Variants in OSBPL10 observed in about 807,000 individuals in gnomAD.
OSBPL10 encodes oxysterol binding protein like 10.
In OSBPL10, 49 loss-of-function variants were observed where a neutral mutation model predicts 81.7. The observed-to-expected ratio is 0.60, with a 90% CI of 0.48 to 0.76. The LOEUF is 0.76. Ranked by LOEUF, OSBPL10 falls within the 30% of genes least tolerant of loss-of-function variation. The pLI is 0.00. For missense variants in OSBPL10, 923 were observed against 987.8 expected (o/e 0.93, Z 0.88); for synonymous variants, 419 against 383.6 (o/e 1.09, Z -1.08).
At chr3:31,886,209 A>C (rs1430218895) in intron 1 of OSBPL10, among the ~76,000 whole-genome samples, 1 of 152,124 alleles carries the variant, frequency 6.6e-6, no homozygotes, top group African/African-American at 2.4e-5. Flanking sequence ...TCTAAATTTA[A>C]AAGTGAAAAT....
chr3:31,686,583 T>C (rs1700797996), intron 7 of OSBPL10, among the ~76,000 whole-genome samples: 1 of 152,210 alleles, frequency 6.6e-6, no homozygotes, highest in African/African-American at 2.4e-5. Flanking sequence ...TGAGTATCTT[T>C]CTGCTTTGTT....
At chr3:31,989,412 C>T (rs1698991387) in intron 2 of OSBPL10, 1 of 1,614,024 alleles carries the variant, frequency 6.2e-7, no homozygotes, top group Admixed American at 1.7e-5. Flanking sequence ...ATATTCATGA[C>T]TTTGAGTTTC....
At chr3:31,673,839 G>A (rs995480606) in intron 8 of OSBPL10, among the ~76,000 whole-genome samples, 2 of 152,052 alleles carry the variant, frequency 1.3e-5, no homozygotes, top group African/African-American at 4.8e-5. Flanking sequence ...AGTCACTCAG[G>A]CTGAAGTGCA....
At chr3:31,758,584 G>C (rs1270135314) in intron 4 of OSBPL10, among the ~76,000 whole-genome samples, 2 of 152,194 alleles carry the variant, frequency 1.3e-5, no homozygotes, top group Non-Finnish European at 2.9e-5. Flanking sequence ...AGGTATTCCT[G>C]ATAAGAGACC....
In OSBPL10 at chr3:32,005,525, G is replaced by T. The variant is rs184982862; in HGVS notation, n.298+40966C>A. 8.5e-5 allele frequency among the ~76,000 whole-genome samples: 13 copies of T among 152,224 alleles called. No individual in the cohort carries two copies. In the East Asian group the frequency reaches 2.3e-3, roughly 27 times the overall value. On this transcript the variant is annotated intron_variant and non_coding_transcript_variant, in intron 2 of 3. Coordinates refer to the OSBPL10 transcript ENST00000479173. ...GCATATGTGACGTCCATAAGTATTGGCATACTGCTCTCCAGACACTCAAAC... is the reference window on the plus strand; with the variant it reads ...GCATATGTGACGTCCATAAGTATTGTCATACTGCTCTCCAGACACTCAAAC...
chr3:32,023,444 C>T (rs576774831), intron 2 of OSBPL10, among the ~76,000 whole-genome samples: 1 of 152,270 alleles, frequency 6.6e-6, no homozygotes, highest in African/African-American at 2.4e-5. Context: ...AAACCTCTTT[C>T]CTTTATAAAT....
At chr3:31,802,549 CAAAAAAAAAAAAAA>C (rs746823677) in intron 4 of OSBPL10, among the ~76,000 whole-genome samples, 4 of 95,006 alleles carry the variant, frequency 4.2e-5, no homozygotes, top group Non-Finnish European at 8.1e-5. Context: ...GCCTGGGTAT[CAAAAAAAAAAAAAA>C]AAAAAAAAGA....
chr3:31,859,364 T>A (rs78219658), intron 3 of OSBPL10, among the ~76,000 whole-genome samples: 4,349 of 152,278 alleles, frequency 0.029, 221 homozygotes, highest in African/African-American at 0.1. Context: ...GCGTAGAAGT[T>A]CCACGCCCCT....
chr3:32,074,787 G>A (rs765191781), intron 1 of OSBPL10, among the ~76,000 whole-genome samples: 1 of 152,112 alleles, frequency 6.6e-6, no homozygotes, highest in Non-Finnish European at 1.5e-5. Flanking sequence ...TGGATCTCTA[G>A]GATTTGGGGT....
In OSBPL10 at chr3:31,978,002, C is replaced by T. The variant is rs143513608; in HGVS notation, c.281+2897G>A. ...CGTTTATTTTGTGTTCTGGCCCAAA[C>T]TGCCTTCCTAAGGGCATGAGGATGA... is the stretch of plus-strand genomic sequence containing the variant. On this transcript the variant is annotated intron_variant, in intron 1 of 11. Transcript: ENST00000396556. Among the ~76,000 whole-genome samples, 166 of 152,302 alleles carry T rather than the reference C, an allele frequency of 1.1e-3. 1 individual carries two copies. Among genetic ancestry groups the T allele is most frequent in the Non-Finnish European group, 2.1e-3 (142 of 68,028 alleles).
At chr3:31,803,555 G>A (rs374736085) in intron 4 of OSBPL10, among the ~76,000 whole-genome samples, 92 of 152,232 alleles carry the variant, frequency 6.0e-4, no homozygotes, top group African/African-American at 2.1e-3. Context: ...TACCCTTTGC[G>A]CAACTTCCCC....
chr3:32,006,411 G>C (rs1234305974), intron 2 of OSBPL10, among the ~76,000 whole-genome samples: 1 of 152,060 alleles, frequency 6.6e-6, no homozygotes, highest in Non-Finnish European at 1.5e-5. Context: ...TGTCATCTTT[G>C]TCTACTATAT....
At chr3:32,067,580 G>A (rs562248668) in intron 1 of OSBPL10, among the ~76,000 whole-genome samples, 4 of 152,306 alleles carry the variant, frequency 2.6e-5, no homozygotes, top group Non-Finnish European at 2.9e-5. Flanking sequence ...TAGCCTTACT[G>A]ATGACATTCC....
chr3:32,062,138 C>T (rs149890779), intron 1 of OSBPL10, among the ~76,000 whole-genome samples: 1,407 of 92,198 alleles, frequency 0.015, 473 homozygotes, highest in East Asian at 0.15. Context: ...GACAGAGTCT[C>T]GCTCTATGGC....
chr3:32,003,618 G>C (rs1699173878), intron 2 of OSBPL10, among the ~76,000 whole-genome samples: 1 of 152,234 alleles, frequency 6.6e-6, no homozygotes, highest in South Asian at 2.1e-4. Context: ...GGAGGGAACA[G>C]ACTGCACAGT....
intron 3 of OSBPL10, among the ~76,000 whole-genome samples, chr3:31,839,907 A>G (rs1162975411): frequency 3.5e-5 from 1 of 28,402 alleles, no homozygotes; most frequent in Non-Finnish European, 1.4e-4. Context: ...ATGGGTTTCA[A>G]TAAGCTTTCT....
Position 31,905,792 on chromosome 3 carries a change from A to G in OSBPL10, c.282-25962T>C, listed in dbSNP as rs75867652. ...CTTGAAATATCCATCATACCACTCTAGAAAAAAAAATATAAGACTTCTTAG... is the reference window on the plus strand; with the variant it reads ...CTTGAAATATCCATCATACCACTCTGGAAAAAAAAATATAAGACTTCTTAG... On this transcript the variant is annotated intron_variant, in intron 1 of 11. Coordinates refer to ENST00000396556, the MANE Select transcript of OSBPL10 (RefSeq NM_017784.5). Among the ~76,000 whole-genome samples, 17 of 152,098 alleles carry G rather than the reference A, an allele frequency of 1.1e-4. No individual in the cohort carries two copies. In the East Asian group the frequency reaches 1.9e-3, roughly 17 times the overall value.
At chr3:31,735,202 G>T (rs1298152242) in intron 5 of OSBPL10, among the ~76,000 whole-genome samples, 3 of 152,222 alleles carry the variant, frequency 2.0e-5, no homozygotes, top group Non-Finnish European at 4.4e-5. Context: ...TGGGATCCCG[G>T]CTGAGGCGGG....
At chr3:31,812,904 T>C (rs1169571512) in intron 4 of OSBPL10, among the ~76,000 whole-genome samples, 1 of 152,072 alleles carries the variant, frequency 6.6e-6, no homozygotes, top group Admixed American at 6.6e-5. Flanking sequence ...AGATAAAATG[T>C]GTACTAAAAT....
Sources: gnomAD v4.1 joint callset for allele counts (sites outside exome capture counted in the v4.1 genomes callset) on GRCh38, gnomAD v4.1.1 for gene constraint, MANE v1.5 for transcripts, NCBI Gene and HGNC (gene_info 2026-07-23, HGNC 2026-07-21) for gene names.